The following SLC25A30 variants were observed in gnomAD, a reference collection of about 807,000 sequenced individuals.
SLC25A30 encodes solute carrier family 25 member 30.
Under a neutral mutation model 42.7 loss-of-function variants are expected in SLC25A30, and 29 were observed. The ratio of observed to expected loss-of-function variants is 0.68; its 90% confidence interval spans 0.51 to 0.93. The LOEUF (loss-of-function observed/expected upper bound fraction) is 0.93. Among genes scored for constraint, SLC25A30 ranks in the 40% least tolerant of loss-of-function variants. The pLI, the probability that SLC25A30 is intolerant of heterozygous loss-of-function variation, is 0.00. For synonymous variants in SLC25A30, 124 were observed against 131.0 expected, an observed-to-expected ratio of 0.95 and a Z score of 0.37; for missense variants, 300 against 359.7, an observed-to-expected ratio of 0.83 and a Z score of 1.34.
chr13:45,412,430 C>T (rs1238346120), intron 1 of SLC25A30, among the ~76,000 whole-genome samples: 7 of 152,256 alleles, frequency 4.6e-5, no homozygotes, highest in East Asian at 3.9e-4. Flanking sequence ...CTATAAATAT[C>T]GGCTCACTTC....
rs1292267050 is a variant in SLC25A30 at position 45,393,996 on chromosome 13, A to T, written c.*1978T>A. ...AAAAAGTAAAATTTTTCTACATTAA[A>T]AAAAGAGCATTTCAAGAAAAGCAAT... is the stretch of plus-strand genomic sequence containing the variant. On this transcript the variant is annotated 3_prime_UTR_variant, in exon 10 of 10. Coordinates refer to ENST00000519676, the MANE Select transcript of SLC25A30 (RefSeq NM_001010875.4). The T allele has an allele frequency of 1.0e-6, 1 of 984,910 alleles. No homozygotes were observed. Among genetic ancestry groups the T allele is most frequent in the Non-Finnish European group, 1.2e-6 (1 of 829,530 alleles). The allele number at this position is 984,910 out of a possible 1,614,324, so 61.0% of individuals were successfully genotyped here. A position where few individuals can be genotyped will look rare whatever the true frequency, so the allele number is the denominator to read the frequency against.
chr13:45,428,489 G>A, the SLC25A30 span, among the ~76,000 whole-genome samples: 2 of 148,170 alleles, frequency 1.3e-5, no homozygotes, highest in East Asian at 4.0e-4. Flanking sequence ...TTACAGGCAT[G>A]AGCCACCAAG....
Position 45,395,263 on chromosome 13 carries a change from A to G in SLC25A30, c.*711T>C, listed in dbSNP as rs890829513. ...TAAGACAGAACCTAAGCTGCTTGAAAACACCCCCCACCAATACAGACCTTG... is the reference window on the plus strand; with the variant it reads ...TAAGACAGAACCTAAGCTGCTTGAAGACACCCCCCACCAATACAGACCTTG... On this transcript the variant is annotated 3_prime_UTR_variant, in exon 10 of 10. Coordinates refer to ENST00000519676, the MANE Select transcript of SLC25A30 (RefSeq NM_001010875.4). 2 of 985,472 alleles carry G rather than the reference A, an allele frequency of 2.0e-6. No individual in the cohort carries two copies. The highest frequency in any genetic ancestry group is 3.5e-5 in the African/African-American group (2 of 57,230). 61.0% of individuals were successfully genotyped at this position (985,472 alleles called of 1,614,324 possible).
At position 45,393,897 on chromosome 13, in the gene SLC25A30, G is replaced by T. The variant is rs182828691; in HGVS notation, c.*2077C>A. On this transcript the variant is annotated 3_prime_UTR_variant, in exon 10 of 10. Coordinates refer to ENST00000519676, the MANE Select transcript of SLC25A30 (RefSeq NM_001010875.4). ...ATTTGAATAAACTGGTAATAATACT[G>T]TCTGACATTCGCTCTTTACATGGTC... The T allele has an allele frequency of 2.6e-5, 26 of 985,306 alleles. No homozygotes were observed. Among genetic ancestry groups the T allele is most frequent in the Non-Finnish European group, 3.1e-5 (26 of 829,896 alleles). The allele number at this position is 985,306 out of a possible 1,614,324, so 61.0% of individuals were successfully genotyped here.
At chr13:45,400,995 G>T (rs1254133400) in intron 7 of SLC25A30, 88 bp downstream of exon 7, 5 of 1,227,138 alleles carry the variant, frequency 4.1e-6, no homozygotes, top group Non-Finnish European at 5.6e-6. Context: ...CTTCTGCATT[G>T]CAACTTTTCA....
At chr13:45,425,278 A>G in the SLC25A30 span, among the ~76,000 whole-genome samples, 19 of 104,270 alleles carry the variant, frequency 1.8e-4, no homozygotes, top group Non-Finnish European at 6.8e-5. Context: ...GTATACATAT[A>G]AATATATGTA....
chr13:45,394,118 T>C lies in SLC25A30; in HGVS notation c.*1856A>G. On this transcript the variant is annotated 3_prime_UTR_variant, in exon 10 of 10. Transcript: ENST00000519676. ...GGAAAGAAGAAAAAATCCTAAGGTGTAGTTTAGAACAAGCAGCAAGGCCTG... is the reference window on the plus strand; with the variant it reads ...GGAAAGAAGAAAAAATCCTAAGGTGCAGTTTAGAACAAGCAGCAAGGCCTG... The C allele has an allele frequency of 1.0e-6, 1 of 985,322 alleles. No homozygotes were observed. Among genetic ancestry groups the C allele is most frequent in the Non-Finnish European group, 1.2e-6 (1 of 829,922 alleles). The allele number at this position is 985,322 out of a possible 1,614,324, so 61.0% of individuals were successfully genotyped here.
chr13:45,423,608 T>A, the SLC25A30 span, among the ~76,000 whole-genome samples: 2 of 104,462 alleles, frequency 1.9e-5, no homozygotes, highest in Non-Finnish European at 1.8e-5. Flanking sequence ...TATATATAAA[T>A]ATATATAAAA....
Position 45,404,361 on chromosome 13 carries a change from G to C in SLC25A30, c.359C>G (p.Ser120Cys). 6.2e-7 allele frequency: 1 copy of C among 1,613,592 alleles called. No individual in the cohort carries two copies. Among genetic ancestry groups the C allele is most frequent in the Non-Finnish European group, 8.5e-7 (1 of 1,179,588 alleles). Residue 120 changes from serine to cysteine, a missense_variant, in exon 5 of 10, where the codon TCT (serine) becomes TGT (cysteine). Physicochemically the swap from Ser to Cys is moderately radical, Grantham distance 112. Transcript: ENST00000519676. Reference protein sequence around the residue: ...VICGILSGVISSTIANPTDVL... With the variant: ...VICGILSGVICSTIANPTDVL... ...ATCAGTTGGATTAGCAATGGTTGAA[G>C]ATATGACTCCAGACAGAATTCCACA...
chr13:45,413,000 A>G (rs1332963607), intron 1 of SLC25A30, among the ~76,000 whole-genome samples: 1 of 152,250 alleles, frequency 6.6e-6, no homozygotes, highest in Non-Finnish European at 1.5e-5. Context: ...GAATTTCCCA[A>G]GTCTCCTTTT....
chr13:45,396,231 C>T lies in SLC25A30; in HGVS notation c.835-216G>A. On this transcript the variant is annotated intron_variant, in intron 9 of 9. Coordinates refer to ENST00000519676, the MANE Select transcript of SLC25A30 (RefSeq NM_001010875.4). ...AGATCACAGCTGAGATATGTAAATC[C>T]CCTGGTATCAGCCTCTTCTGAGATG... 6 of 1,418,946 alleles carry T rather than the reference C, an allele frequency of 4.2e-6. No homozygotes were observed. In the South Asian group the frequency reaches 4.6e-5, roughly 11 times the overall value. 87.9% of individuals were successfully genotyped at this position (1,418,946 alleles called of 1,614,324 possible). A position where few individuals can be genotyped will look rare whatever the true frequency, so the allele number is the denominator to read the frequency against.
chr13:45,418,953 A>AAAAAC, upstream of SLC25A30, among the ~76,000 whole-genome samples: 1 of 64,606 alleles, frequency 1.5e-5, no homozygotes, highest in Non-Finnish European at 2.9e-5. Context: ...AAAAAAAAAA[A>AAAAAC]AAAAAAAAAA....
intron 3 of SLC25A30, 148 bp downstream of exon 3, chr13:45,408,778 GA>G (rs1882741171): frequency 1.7e-6 from 1 of 578,380 alleles, no homozygotes; most frequent in East Asian, 3.2e-5. Context: ...AATTAGAGTT[GA>G]AATTAAAAGT....
At chr13:45,432,062 G>A in the SLC25A30 span, among the ~76,000 whole-genome samples, 2 of 151,968 alleles carry the variant, frequency 1.3e-5, no homozygotes, top group African/African-American at 4.8e-5. Flanking sequence ...TTGAGGTCAG[G>A]AGTATGACAC....
the SLC25A30 span, among the ~76,000 whole-genome samples, chr13:45,429,149 A>C: frequency 7.2e-6 from 1 of 139,784 alleles, no homozygotes; most frequent in Admixed American, 7.8e-5. Context: ...GTTCACTGCA[A>C]CCTCCACCTC....
upstream of SLC25A30, among the ~76,000 whole-genome samples, chr13:45,423,339 A>C (rs1593640576): frequency 6.6e-6 from 1 of 151,488 alleles, no homozygotes. Context: ...AACTCATGTG[A>C]AGTCTGGTGA....
At chr13:45,405,740 A>AT (rs1195964351) in intron 4 of SLC25A30, 143 bp downstream of exon 4, 1 of 654,304 alleles carries the variant, frequency 1.5e-6, no homozygotes, top group Non-Finnish European at 2.6e-6. Context: ...TTTCAGCACA[A>AT]TTAACTAAGA....
At chr13:45,419,278 G>A (rs1883808320), upstream of SLC25A30, among the ~76,000 whole-genome samples, 1 of 149,968 alleles carries the variant, frequency 6.7e-6, no homozygotes. Flanking sequence ...CATTTTTAAC[G>A]GTATGGCAGT....
At chr13:45,418,169 A>C (rs1489628046) in intron 1 of SLC25A30, 131 bp downstream of exon 1, 1 of 152,692 alleles carries the variant, frequency 6.5e-6, no homozygotes, top group Non-Finnish European at 1.5e-5. Flanking sequence ...TGGAGAGCAC[A>C]GGCAGCCCCG....
Sources: allele counts gnomAD v4.1 joint callset (sites outside exome capture counted in the v4.1 genomes callset), GRCh38; gene constraint gnomAD v4.1.1; transcripts MANE v1.5; gene names NCBI Gene and HGNC (gene_info 2026-07-23, HGNC 2026-07-21).